CASK: variants seen among roughly 807,000 people sequenced by gnomAD.
CASK encodes calcium/calmodulin dependent serine protein kinase.
CASK carries 4 observed loss-of-function variants against 82.9 expected under a neutral mutation model. That is an observed-to-expected ratio of 0.05 (90% CI 0.02 to 0.11). The LOEUF (loss-of-function observed/expected upper bound fraction) is 0.11, where lower values mean the gene tolerates loss of function less well. Ranked by LOEUF, CASK falls within the 10% of genes least tolerant of loss-of-function variation. CASK has a pLI of 1.00. For missense variants in CASK, 358 were observed against 720.9 expected, an observed-to-expected ratio of 0.50 and a Z score of 5.76; for synonymous variants, 259 against 253.5, an observed-to-expected ratio of 1.02 and a Z score of -0.20.
At chrX:41,556,918 C>T in intron 19 of CASK, 114 bp downstream of exon 19, 1 of 590,428 alleles carries the variant, frequency 1.7e-6, no homozygotes, top group Non-Finnish European at 3.0e-6. Flanking sequence ...CTGTAGTAGC[C>T]TTGTATATCA....
intron 1 of CASK, among the ~76,000 whole-genome samples, chrX:41,855,033 G>A (rs62589210): frequency 0.17 from 18,967 of 111,369 alleles, 1,442 homozygotes; most frequent in Middle Eastern, 0.3. Context: ...TCAATTCACT[G>A]TATCTTTTTG....
chrX:41,822,003 GAA>G (rs1432450230), intron 2 of CASK, among the ~76,000 whole-genome samples: 1 of 112,203 alleles, frequency 8.9e-6, no homozygotes, highest in African/African-American at 3.2e-5. Flanking sequence ...CAGAGCCCCA[GAA>G]GCTGTGAGTA....
chrX:41,552,804 A>G (rs1433727200), intron 21 of CASK: 1 of 111,975 alleles, frequency 8.9e-6, no homozygotes, highest in Non-Finnish European at 1.9e-5. Context: ...GATCAAGCAA[A>G]AGAGATTAAC....
intron 5 of CASK, among the ~76,000 whole-genome samples, chrX:41,708,317 C>T (rs962407133): frequency 4.5e-5 from 5 of 110,906 alleles, no homozygotes; most frequent in African/African-American, 1.6e-4. Flanking sequence ...TGTTATTTGA[C>T]TTTTAAAACT....
chrX:41,770,117 C>A (rs1257583775), intron 3 of CASK, among the ~76,000 whole-genome samples: 1 of 110,515 alleles, frequency 9.0e-6, no homozygotes, highest in East Asian at 2.8e-4. Flanking sequence ...AGCAAACCCA[C>A]AGGGACTTCA....
chrX:41,900,035 G>A (rs2072339836), intron 1 of CASK, among the ~76,000 whole-genome samples: 1 of 106,524 alleles, frequency 9.4e-6, no homozygotes, highest in South Asian at 4.0e-4. Context: ...TGGTTGGCAG[G>A]TTTTTTGTTT....
intron 1 of CASK, among the ~76,000 whole-genome samples, chrX:41,922,679 G>C (rs1325105659): frequency 8.9e-6 from 1 of 111,922 alleles, no homozygotes; most frequent in Non-Finnish European, 1.9e-5. Flanking sequence ...ATAAAATGCA[G>C]GCAGCCGGCC....
At chrX:41,680,823 G>C (rs2067341459) in intron 5 of CASK, among the ~76,000 whole-genome samples, 1 of 110,482 alleles carries the variant, frequency 9.1e-6, no homozygotes, top group South Asian at 3.8e-4. Flanking sequence ...GCTGAGGCAG[G>C]AGAATCGCTT....
chrX:41,687,063 T>C (rs17148463), intron 5 of CASK, among the ~76,000 whole-genome samples: 2,428 of 111,824 alleles, frequency 0.022, 74 homozygotes, highest in African/African-American at 0.074. Context: ...GAGGAGAAAA[T>C]GTGGTCACAA....
chrX:41,627,196 TTTTTG>T (rs776898452), intron 9 of CASK, among the ~76,000 whole-genome samples: 1 of 112,059 alleles, frequency 8.9e-6, no homozygotes, highest in South Asian at 3.7e-4. Context: ...TTTTTCCCTC[TTTTTG>T]TTTTAACAAT....
intron 1 of CASK, among the ~76,000 whole-genome samples, chrX:41,913,265 G>T (rs2072616225): frequency 8.9e-6 from 1 of 112,152 alleles, no homozygotes. Flanking sequence ...GAGTTAATGG[G>T]TGCAGCACAC....
intron 2 of CASK, among the ~76,000 whole-genome samples, chrX:41,814,449 T>C (rs939387558): frequency 3.1e-4 from 34 of 110,552 alleles, no homozygotes; most frequent in African/African-American, 1.1e-3. Context: ...TGTAGGGACA[T>C]GGATGAAGCT....
intron 5 of CASK, chrX:41,727,028 T>C (rs919698311): frequency 3.7e-6 from 4 of 1,090,216 alleles, no homozygotes; most frequent in Non-Finnish European, 4.9e-6. Flanking sequence ...CTGACATAAA[T>C]GAACAACAAT....
rs757773293 is a variant in CASK, at chrX:41,682,763, C to T, written c.430-11233G>A. Among the ~76,000 whole-genome samples the T allele has an allele frequency of 4.6e-5, 5 of 109,073 alleles. No individual in the cohort carries two copies. In the East Asian group the frequency reaches 1.5e-3, roughly 32 times the overall value. 94.7% of individuals were successfully genotyped at this position (109,073 alleles called of 115,157 possible). ...AGAAGCTGGCACTACAAGTGTGTGC[C>T]ACCATGCCTGGCTAATTAAAAACAT... On this transcript the variant is annotated intron_variant, in intron 5 of 26. Coordinates refer to ENST00000378163, the MANE Select transcript of CASK (RefSeq NM_001367721.1).
intron 12 of CASK, 23 bp downstream of exon 12, chrX:41,609,881 G>C: frequency 8.3e-7 from 1 of 1,206,428 alleles, no homozygotes; most frequent in African/African-American, 1.7e-5. Flanking sequence ...CAAAAAAGAA[G>C]AATAATAAAA....
At chrX:41,854,231 C>G (rs2071330014) in intron 1 of CASK, among the ~76,000 whole-genome samples, 1 of 100,064 alleles carries the variant, frequency 1.0e-5, no homozygotes, top group Non-Finnish European at 2.0e-5. Context: ...CGCGCACACA[C>G]ACACACACAC....
intron 11 of CASK, among the ~76,000 whole-genome samples, chrX:41,613,025 G>T (rs1425473130): frequency 9.7e-6 from 1 of 103,064 alleles, no homozygotes; most frequent in African/African-American, 3.6e-5. Context: ...TCAGCCCCCC[G>T]CCTGGCCAGC....
chrX:41,720,088 A>G (rs1021738619), intron 5 of CASK, among the ~76,000 whole-genome samples: 16 of 113,418 alleles, frequency 1.4e-4, no homozygotes, highest in African/African-American at 4.8e-4. Flanking sequence ...TTTTTACAAA[A>G]GCTGATAACT....
At chrX:41,829,513 T>G (rs1272944617) in intron 2 of CASK, among the ~76,000 whole-genome samples, 1 of 102,125 alleles carries the variant, frequency 9.8e-6, no homozygotes, top group Non-Finnish European at 2.0e-5. Context: ...TGGTATTTAT[T>G]TATGTCATTC....
Sources: allele counts gnomAD v4.1 joint callset (sites outside exome capture counted in the v4.1 genomes callset), GRCh38; gene constraint gnomAD v4.1.1; transcripts MANE v1.5; gene names NCBI Gene and HGNC (gene_info 2026-07-23, HGNC 2026-07-21).